Variants in AGMO observed in about 807,000 individuals in gnomAD.
AGMO encodes glyceryl-ether monooxygenase.
In AGMO, 75 loss-of-function variants were observed where a neutral mutation model predicts 60.2. The ratio of observed to expected loss-of-function variants is 1.25; its 90% CI spans 1.03 to 1.51. The LOEUF is 1.51. AGMO is among the 40% of genes most tolerant of loss of function. AGMO has a pLI of 0.00. For missense variants in AGMO, 763 were observed against 525.5 expected (o/e 1.45, Z -4.42); for synonymous variants, 261 against 177.1 (o/e 1.47, Z -3.76).
intron 12 of AGMO, among the ~76,000 whole-genome samples, chr7:15,259,631 G>A (rs1224610471): frequency 1.3e-5 from 2 of 152,032 alleles, no homozygotes; most frequent in East Asian, 1.9e-4. Flanking sequence ...GCAAGACAAA[G>A]GAAGGAATCT....
chr7:15,430,050 C>A (rs909094399), intron 4 of AGMO, among the ~76,000 whole-genome samples: 3 of 151,876 alleles, frequency 2.0e-5, no homozygotes, highest in Non-Finnish European at 2.9e-5. Context: ...ATAGACTCAG[C>A]TCTACTATTT....
chr7:15,534,547 A>T (rs1784441589), intron 3 of AGMO, among the ~76,000 whole-genome samples: 1 of 151,966 alleles, frequency 6.6e-6, no homozygotes, highest in South Asian at 2.1e-4. Flanking sequence ...TCTAAAACAC[A>T]GACTGTCAAT....
At chr7:15,525,832 G>C (rs1336197750) in intron 3 of AGMO, among the ~76,000 whole-genome samples, 1 of 152,160 alleles carries the variant, frequency 6.6e-6, no homozygotes, top group African/African-American at 2.4e-5. Flanking sequence ...CAGACAGTGG[G>C]CTAAAAGAGC....
chr7:15,465,596 T>C (rs1257051617), intron 3 of AGMO, among the ~76,000 whole-genome samples: 1 of 147,220 alleles, frequency 6.8e-6, no homozygotes, highest in Non-Finnish European at 1.5e-5. Context: ...TAATTATATA[T>C]ATATATTTAT....
chr7:15,526,693 A>C (rs1784137018), intron 3 of AGMO, among the ~76,000 whole-genome samples: 1 of 152,166 alleles, frequency 6.6e-6, no homozygotes, highest in Admixed American at 6.5e-5. Flanking sequence ...TAACACAAGC[A>C]TACCTCAGTT....
intron 12 of AGMO, among the ~76,000 whole-genome samples, chr7:15,266,654 T>C (rs1308118467): frequency 6.6e-6 from 1 of 151,968 alleles, no homozygotes; most frequent in African/African-American, 2.4e-5. Context: ...GATACAAGCT[T>C]TTTATTTAAT....
At chr7:15,396,541 A>C (rs980734581) in intron 5 of AGMO, 2 of 152,248 alleles carry the variant, frequency 1.3e-5, no homozygotes, top group African/African-American at 4.8e-5. Context: ...AAAAGAACAA[A>C]GCTACCACAA....
intron 12 of AGMO, among the ~76,000 whole-genome samples, chr7:15,361,789 G>A (rs1782778616): frequency 6.6e-6 from 1 of 151,958 alleles, no homozygotes; most frequent in Admixed American, 6.6e-5. Flanking sequence ...AAATTTGATA[G>A]GCACACACCT....
chr7:15,208,842 A>G (rs1024520384), intron 12 of AGMO, among the ~76,000 whole-genome samples: 4 of 152,222 alleles, frequency 2.6e-5, no homozygotes, highest in African/African-American at 9.6e-5. Flanking sequence ...TTTGAAACAG[A>G]AGATTTTTGA....
intron 3 of AGMO, among the ~76,000 whole-genome samples, chr7:15,511,101 C>T (rs1055233764): frequency 1.3e-5 from 2 of 151,966 alleles, no homozygotes; most frequent in African/African-American, 4.8e-5. Context: ...ATCGTGTTCA[C>T]CCACTTACTC....
rs200156433 is a variant in AGMO at position 15,394,132 on chromosome 7, G to A, written c.657C>T (p.Ser219=). The A allele has an allele frequency of 2.5e-5, 40 of 1,612,014 alleles. No individual in the cohort carries two copies. The highest frequency in any genetic ancestry group is 3.3e-5 in the Admixed American group (2 of 59,920). Residue 219 remains serine (S), a synonymous_variant, in exon 6 of 13, where the codon AGC becomes AGT. Coordinates refer to ENST00000342526, the MANE Select transcript of AGMO (RefSeq NM_001004320.2). ...CCTTACCATGATGAACCCTATGATG[G>A]CTAGGAGTATTAAGAATCAGTTCCA... ...GPLELILNTP[S]HHRVHHGRNR... is the part of the protein sequence containing the mutation.
chr7:15,332,164 C>G (rs947275915), intron 12 of AGMO, among the ~76,000 whole-genome samples: 2 of 152,074 alleles, frequency 1.3e-5, no homozygotes, highest in African/African-American at 2.4e-5. Flanking sequence ...AATAAACTTA[C>G]AATCGTGTTA....
chr7:15,420,477 T>C (rs905614559), intron 4 of AGMO, among the ~76,000 whole-genome samples: 1 of 152,036 alleles, frequency 6.6e-6, no homozygotes, highest in Non-Finnish European at 1.5e-5. Context: ...ACAAAAAATA[T>C]AGGTGAGGAA....
the AGMO span, among the ~76,000 whole-genome samples, chr7:15,150,904 T>C: frequency 1.3e-5 from 2 of 152,114 alleles, no homozygotes; most frequent in African/African-American, 2.4e-5. Context: ...GTACCAGTTC[T>C]TCTTTATATG....
At chr7:15,333,344 G>A (rs189231494) in intron 12 of AGMO, among the ~76,000 whole-genome samples, 35 of 152,046 alleles carry the variant, frequency 2.3e-4, no homozygotes, top group African/African-American at 8.4e-4. Flanking sequence ...AAATGAATTG[G>A]GAAAATGTTT....
intron 12 of AGMO, among the ~76,000 whole-genome samples, chr7:15,348,628 G>C (rs992528051): frequency 5.3e-5 from 8 of 151,980 alleles, no homozygotes; most frequent in African/African-American, 1.9e-4. Context: ...TCGTGTATCT[G>C]TGCAGTCAGA....
At chr7:15,301,416 G>A (rs548858808) in intron 12 of AGMO, among the ~76,000 whole-genome samples, 18 of 151,912 alleles carry the variant, frequency 1.2e-4, no homozygotes, top group Admixed American at 9.2e-4. Flanking sequence ...TCCAGCCTGG[G>A]AGACAGAGAG....
intron 5 of AGMO, among the ~76,000 whole-genome samples, chr7:15,412,479 G>C (rs975423283): frequency 2.0e-5 from 3 of 151,892 alleles, no homozygotes; most frequent in Non-Finnish European, 1.5e-5. Context: ...TGCATACAAA[G>C]TGCCCTCAAA....
At chr7:15,384,847 A>G (rs1382487483) in intron 10 of AGMO, among the ~76,000 whole-genome samples, 4 of 143,034 alleles carry the variant, frequency 2.8e-5, no homozygotes, top group East Asian at 4.0e-4. Context: ...AATTTACAAC[A>G]TATTTTTATA....
Sources: allele counts gnomAD v4.1 joint callset (sites outside exome capture counted in the v4.1 genomes callset), GRCh38; gene constraint gnomAD v4.1.1; transcripts MANE v1.5; gene names NCBI Gene and HGNC (gene_info 2026-07-23, HGNC 2026-07-21).